The following RGP1 variants were observed in gnomAD, a reference collection of about 807,000 sequenced individuals.
The protein encoded by RGP1 is RAB6A-GEF complex partner protein 2.
RGP1 carries 28 observed loss-of-function variants against 44.5 expected under a neutral mutation model. The observed-to-expected ratio is 0.63, with a 90% CI of 0.47 to 0.86. The LOEUF (loss-of-function observed/expected upper bound fraction) is 0.86. Among genes scored for constraint, RGP1 ranks in the 40% least tolerant of loss-of-function variants. RGP1 has a pLI of 0.00. For missense variants in RGP1, 417 were observed against 490.7 expected (o/e 0.85, Z 1.42); for synonymous variants, 212 against 196.7 (o/e 1.08, Z -0.65).
chr9:35,771,545 C>T, the RGP1 span, among the ~76,000 whole-genome samples: 1 of 152,164 alleles, frequency 6.6e-6, no homozygotes, highest in Non-Finnish European at 1.5e-5. Context: ...GAGGCTAGCT[C>T]TTAGCTTATT....
At chr9:35,786,621 T>A in the RGP1 span, 1 of 152,228 alleles carries the variant, frequency 6.6e-6, no homozygotes, top group Non-Finnish European at 1.5e-5. Flanking sequence ...TTGCTTCTCC[T>A]GACAATTCTT....
the RGP1 span, among the ~76,000 whole-genome samples, chr9:35,765,077 T>A: frequency 2.0e-5 from 3 of 148,470 alleles, no homozygotes; most frequent in African/African-American, 7.5e-5. Context: ...TGAGCCAAGA[T>A]GGCGCCACTG....
the RGP1 span, among the ~76,000 whole-genome samples, chr9:35,779,533 A>T: frequency 1.3e-5 from 2 of 152,358 alleles, no homozygotes; most frequent in East Asian, 3.9e-4. Context: ...TAGCAAGGGT[A>T]TGTGAGTTTC....
the RGP1 span, among the ~76,000 whole-genome samples, chr9:35,784,375 C>T: frequency 0.038 from 5,726 of 152,246 alleles, 353 homozygotes; most frequent in African/African-American, 0.13. Context: ...CTAATGCTTT[C>T]ATGGTTTTCA....
the RGP1 span, among the ~76,000 whole-genome samples, chr9:35,788,678 A>G: frequency 6.6e-6 from 1 of 152,160 alleles, no homozygotes; most frequent in South Asian, 2.1e-4. Context: ...ACAGTGCTAC[A>G]AAGAGAAAGT....
chr9:35,764,645 G>A, the RGP1 span, among the ~76,000 whole-genome samples: 2 of 151,880 alleles, frequency 1.3e-5, no homozygotes, highest in African/African-American at 4.8e-5. Flanking sequence ...CCCCACCACT[G>A]CCCCCAAATT....
At chr9:35,785,249 C>T in the RGP1 span, among the ~76,000 whole-genome samples, 1 of 152,050 alleles carries the variant, frequency 6.6e-6, no homozygotes, top group East Asian at 1.9e-4. Context: ...GATGGATTCC[C>T]TTAAAGCCAT....
chr9:35,764,260 C>T, the RGP1 span, among the ~76,000 whole-genome samples: 4 of 152,158 alleles, frequency 2.6e-5, no homozygotes, highest in African/African-American at 7.2e-5. Flanking sequence ...TTTAAAAATT[C>T]GACTTAAGCT....
chr9:35,750,876 C>T lies in RGP1; in HGVS notation c.374C>T (p.Pro125Leu). The change falls in exon 5 of 9, where the codon CCC (proline) becomes CTC (leucine). Residue 125 changes from proline to leucine, a missense_variant. By Grantham distance (98) the Pro-to-Leu change is moderately conservative (BLOSUM62 -3). Coordinates refer to ENST00000378078, the MANE Select transcript of RGP1 (RefSeq NM_001080496.3). ...GAAGTGCTGCCCATAGAGGGACCACCCTCCTTTCGGGGTCAGTCAGTCAAG... is the reference window on the plus strand; with the variant it reads ...GAAGTGCTGCCCATAGAGGGACCACTCTCCTTTCGGGGTCAGTCAGTCAAG... ...YSEVLPIEGP[P>L]SFRGQSVKYV... 1 of 1,614,008 alleles carries T rather than the reference C, an allele frequency of 6.2e-7. No individual in the cohort carries two copies. The highest frequency in any genetic ancestry group is 8.5e-7 in the Non-Finnish European group (1 of 1,179,888).
chr9:35,773,075 T>A, the RGP1 span, among the ~76,000 whole-genome samples: 1 of 152,088 alleles, frequency 6.6e-6, no homozygotes, highest in African/African-American at 2.4e-5. Flanking sequence ...AGCTTCTTAT[T>A]GCAAAAGTAA....
the RGP1 span, among the ~76,000 whole-genome samples, chr9:35,770,992 A>T: frequency 4.6e-5 from 7 of 152,308 alleles, no homozygotes; most frequent in African/African-American, 1.4e-4. Context: ...ATCAGAGTGA[A>T]TTTCAGTCTC....
Position 35,749,700 on chromosome 9 carries a change from A to G in RGP1, c.-19-37A>G. On this transcript the variant is annotated intron_variant, in intron 1 of 8. Coordinates refer to ENST00000378078, the MANE Select transcript of RGP1 (RefSeq NM_001080496.3). This position sits in a 1 kb window ranked among gnomAD's most constrained non-coding sequence, Gnocchi z 4.4. The stretch of plus-strand genomic sequence containing the variant: ...GCTCACCGCAACGCCCCTCCCTGTC[A>G]AGGTGCTGACCTCCGCCCCGCCTTG... The G allele has an allele frequency of 1.5e-6, 2 of 1,291,956 alleles. No homozygotes were observed. The highest frequency in any genetic ancestry group is 2.2e-6 in the Non-Finnish European group (2 of 896,934). 80.0% of individuals were successfully genotyped at this position (1,291,956 alleles called of 1,614,324 possible).
the RGP1 span, among the ~76,000 whole-genome samples, chr9:35,775,844 T>C: frequency 3.9e-5 from 6 of 152,240 alleles, no homozygotes; most frequent in Admixed American, 3.9e-4. Flanking sequence ...TGTAGTTCAA[T>C]TTTGGATATG....
At position 35,756,376 on chromosome 9, in the gene RGP1, C is replaced by T. The variant is rs1303093486; in HGVS notation, c.*3502C>T. On this transcript the variant is annotated 3_prime_UTR_variant, in exon 9 of 9. Transcript: ENST00000378078. ...GACTGTGTCAGTGCACCTCAAACTCCCTTGCTGTCCTTTTCCAAGGAGACA... is the reference window on the plus strand; with the variant it reads ...GACTGTGTCAGTGCACCTCAAACTCTCTTGCTGTCCTTTTCCAAGGAGACA... The T allele has an allele frequency of 6.6e-6, 1 of 152,302 alleles. No homozygotes were observed. The highest frequency in any genetic ancestry group is 2.4e-5 in the African/African-American group (1 of 41,446). 9.4% of individuals were successfully genotyped at this position (152,302 alleles called of 1,614,324 possible). A position where few individuals can be genotyped will look rare whatever the true frequency, so the allele number is the denominator to read the frequency against.
chr9:35,752,824 C>A lies in RGP1; in HGVS notation c.1126C>A (p.Leu376Met), dbSNP rs1827290523. 6.2e-7 allele frequency: 1 copy of A among 1,613,946 alleles called. No individual in the cohort carries two copies. The highest frequency in any genetic ancestry group is 1.3e-5 in the African/African-American group (1 of 75,038). The change falls in exon 9 of 9, where the codon CTG (leucine) becomes ATG (methionine). Residue 376 changes from leucine (L) to methionine (M), a missense_variant. Coordinates refer to ENST00000378078, the MANE Select transcript of RGP1 (RefSeq NM_001080496.3). ...PIKVLPTSPT[L>M]ASYAAPGPST... ...CAAGGTGCTGCCTACTAGCCCCACC[C>A]TGGCCTCATATGCTGCCCCAGGCCC...
At chr9:35,765,521 G>A in the RGP1 span, among the ~76,000 whole-genome samples, 1 of 151,944 alleles carries the variant, frequency 6.6e-6, no homozygotes, top group Admixed American at 6.6e-5. Flanking sequence ...GTTGGGTGTG[G>A]TGGCCCAGGC....
At chr9:35,776,812 G>A in the RGP1 span, among the ~76,000 whole-genome samples, 2 of 151,480 alleles carry the variant, frequency 1.3e-5, no homozygotes, top group African/African-American at 2.4e-5. Flanking sequence ...TGGCTAACAC[G>A]GTGAAACCTC....
At chr9:35,750,185 G>A in intron 2 of RGP1, 58 bp from the exon 3 acceptor site, 1 of 1,573,502 alleles carries the variant, frequency 6.4e-7, no homozygotes, top group Non-Finnish European at 8.6e-7. Flanking sequence ...AGGGAGCTTG[G>A]GAAAGCATTT....
the RGP1 span, among the ~76,000 whole-genome samples, chr9:35,779,923 A>G: frequency 6.6e-6 from 1 of 151,932 alleles, no homozygotes; most frequent in Non-Finnish European, 1.5e-5. Flanking sequence ...ATTTTCTTAG[A>G]GACAGGGTCT....
Sources: allele counts gnomAD v4.1 joint callset (sites outside exome capture counted in the v4.1 genomes callset), GRCh38; gene constraint gnomAD v4.1.1; non-coding constraint Gnocchi (gnomAD v3.1); transcripts MANE v1.5; gene names NCBI Gene and HGNC (gene_info 2026-07-23, HGNC 2026-07-21).